PTPRD: variants seen among roughly 807,000 people sequenced by gnomAD.
PTPRD encodes protein tyrosine phosphatase receptor type D.
Under a neutral mutation model 214.5 loss-of-function variants are expected in PTPRD, and 34 were observed. The ratio of observed to expected loss-of-function variants is 0.16; its 90% CI spans 0.12 to 0.21. The LOEUF (loss-of-function observed/expected upper bound fraction) is 0.21, where lower values mean the gene tolerates loss of function less well. Among genes scored for constraint, PTPRD ranks in the 10% least tolerant of loss-of-function variants. PTPRD has a pLI of 1.00. For missense variants in PTPRD, 2,545 were observed against 2,398.7 expected, an observed-to-expected ratio of 1.06 and a Z score of -1.27; for synonymous variants, 1,128 against 845.7, an observed-to-expected ratio of 1.33 and a Z score of -5.79.
intron 7 of PTPRD, among the ~76,000 whole-genome samples, chr9:9,590,084 A>G (rs987018252): frequency 5.3e-5 from 8 of 152,066 alleles, no homozygotes; most frequent in African/African-American, 1.9e-4. Flanking sequence ...TAAAACATAT[A>G]ATGTCAATAA....
intron 9 of PTPRD, among the ~76,000 whole-genome samples, chr9:9,315,942 T>A (rs996592602): frequency 3.3e-5 from 5 of 151,140 alleles, no homozygotes; most frequent in Non-Finnish European, 7.4e-5. Flanking sequence ...ACATTTTTAA[T>A]TAATTGACAT....
Position 8,571,211 on chromosome 9 carries a change from C to T in PTPRD, c.353-42432G>A, listed in dbSNP as rs1228155877. ...AAACTTCTCTTTTAACACTTTCCTA[C>T]TAATTCTATTTCTATTGTTCACTCT... On this transcript the variant is annotated intron_variant, in intron 14 of 45. Coordinates refer to ENST00000381196, the MANE Select transcript of PTPRD (RefSeq NM_002839.4). Among the ~76,000 whole-genome samples the T allele has an allele frequency of 2.0e-5, 3 of 152,096 alleles. 1 individual carries two copies. Among genetic ancestry groups the T allele is most frequent in the East Asian group, 1.9e-4 (1 of 5,182 alleles).
intron 2 of PTPRD, among the ~76,000 whole-genome samples, chr9:10,389,959 A>C (rs900933989): frequency 6.6e-6 from 1 of 151,816 alleles, no homozygotes; most frequent in Non-Finnish European, 1.5e-5. Context: ...TAATTAAGAG[A>C]ATCTATAGCT....
intron 7 of PTPRD, among the ~76,000 whole-genome samples, chr9:9,687,217 G>A (rs959407142): frequency 2.6e-5 from 4 of 151,822 alleles, no homozygotes; most frequent in Non-Finnish European, 5.9e-5. Flanking sequence ...GAGAAGCTAT[G>A]TTTAAAACCT....
chr9:9,859,072 G>C (rs1020809340), intron 5 of PTPRD, among the ~76,000 whole-genome samples: 2 of 152,058 alleles, frequency 1.3e-5, no homozygotes, highest in Non-Finnish European at 2.9e-5. Context: ...GTGACAGTGA[G>C]TTCTCAAAAA....
chr9:9,981,920 G>C (rs2095556172), intron 4 of PTPRD, among the ~76,000 whole-genome samples: 1 of 151,938 alleles, frequency 6.6e-6, no homozygotes, highest in South Asian at 2.1e-4. Flanking sequence ...GTTGTTCAAG[G>C]TGTCTCAAAC....
intron 9 of PTPRD, among the ~76,000 whole-genome samples, chr9:9,223,905 T>C (rs2099957757): frequency 6.6e-6 from 1 of 152,046 alleles, no homozygotes; most frequent in Non-Finnish European, 1.5e-5. Context: ...CACCTGGAAT[T>C]ATGCTTGCAT....
At chr9:9,101,985 T>C (rs2099792061) in intron 10 of PTPRD, among the ~76,000 whole-genome samples, 1 of 152,176 alleles carries the variant, frequency 6.6e-6, no homozygotes, top group African/African-American at 2.4e-5. Flanking sequence ...CACACAACTT[T>C]TTTGGGGCTA....
At position 9,091,191 on chromosome 9, in the gene PTPRD, A is replaced by G. The variant is rs1468383363; in HGVS notation, c.-142-72456T>C. 4 of 1,524,890 alleles carry G rather than the reference A, an allele frequency of 2.6e-6. No homozygotes were observed. In the African/African-American group the frequency reaches 5.5e-5, roughly 21 times the overall value. The allele number at this position is 1,524,890 out of a possible 1,614,324, so 94.5% of individuals were successfully genotyped here. The stretch of plus-strand genomic sequence containing the variant: ...AAGTCCGCAAGGACCGAACACCCCC[A>G]CCCCGATTTAGACCTGCGGGTGCTG... On this transcript the variant is annotated intron_variant, in intron 10 of 45. Coordinates refer to ENST00000381196, the MANE Select transcript of PTPRD (RefSeq NM_002839.4).
At chr9:9,297,408 T>C (rs191033137) in intron 9 of PTPRD, among the ~76,000 whole-genome samples, 1 of 151,722 alleles carries the variant, frequency 6.6e-6, no homozygotes, top group East Asian at 2.0e-4. Flanking sequence ...CTCCCCATCA[T>C]CTCTGGATGA....
At chr9:8,434,578 C>T (rs10739163) in intron 35 of PTPRD, among the ~76,000 whole-genome samples, 92,703 of 152,054 alleles carry the variant, frequency 0.61, 30,412 homozygotes, top group African/African-American at 0.85. Context: ...TAACGGCTTA[C>T]TAACAGGTCG....
chr9:9,224,688 A>T (rs1395018665), intron 9 of PTPRD, among the ~76,000 whole-genome samples: 1 of 151,998 alleles, frequency 6.6e-6, no homozygotes, highest in East Asian at 1.9e-4. Context: ...TCCATTAATG[A>T]CTTTTAAATG....
At chr9:8,570,461 T>G (rs181270033) in intron 14 of PTPRD, among the ~76,000 whole-genome samples, 40 of 152,208 alleles carry the variant, frequency 2.6e-4, no homozygotes, top group African/African-American at 9.1e-4. Flanking sequence ...CAAGAGTCAA[T>G]GAGCAACAAC....
At chr9:9,268,221 T>A (rs1355291148) in intron 9 of PTPRD, among the ~76,000 whole-genome samples, 1 of 151,086 alleles carries the variant, frequency 6.6e-6, no homozygotes, top group Non-Finnish European at 1.5e-5. Flanking sequence ...ATACTAAGAA[T>A]GAACTCTTAA....
chr9:8,979,914 A>T (rs1032539164), intron 11 of PTPRD, among the ~76,000 whole-genome samples: 3 of 152,060 alleles, frequency 2.0e-5, no homozygotes, highest in Non-Finnish European at 2.9e-5. Flanking sequence ...CTGAGCTCCC[A>T]TGTTCACTGC....
At chr9:9,832,026 T>A (rs1324095469) in intron 5 of PTPRD, among the ~76,000 whole-genome samples, 1 of 152,018 alleles carries the variant, frequency 6.6e-6, no homozygotes, top group East Asian at 1.9e-4. Context: ...ATGGAAATGT[T>A]GGAGATGACA....
rs73407058 is a variant in PTPRD at position 9,561,096 on chromosome 9, C to T, written c.-237+13636G>A. Among the ~76,000 whole-genome samples the T allele has an allele frequency of 2.1e-3, 325 of 152,276 alleles. 1 individual carries two copies. Among genetic ancestry groups the T allele is most frequent in the African/African-American group, 7.1e-3 (293 of 41,554 alleles). On this transcript the variant is annotated intron_variant, in intron 8 of 45. Transcript: ENST00000381196. ...ATTAGCAGGGCAGTTATACGTTTCA[C>T]AGACAATAGTGTTGTAGAGCCAATG... is the stretch of plus-strand genomic sequence containing the variant.
At chr9:9,180,447 T>C (rs1454024224) in intron 10 of PTPRD, among the ~76,000 whole-genome samples, 5 of 79,922 alleles carry the variant, frequency 6.3e-5, no homozygotes, top group Non-Finnish European at 1.1e-4. Context: ...GGGCCTGTTG[T>C]GGGGTGGGGG....
At chr9:9,974,663 A>G (rs2095285928) in intron 4 of PTPRD, among the ~76,000 whole-genome samples, 1 of 152,088 alleles carries the variant, frequency 6.6e-6, no homozygotes, top group Non-Finnish European at 1.5e-5. Context: ...AACCTCCTTA[A>G]AACACTTCCA....
Sources: gnomAD v4.1 joint callset for allele counts (sites outside exome capture counted in the v4.1 genomes callset) on GRCh38, gnomAD v4.1.1 for gene constraint, MANE v1.5 for transcripts, NCBI Gene and HGNC (gene_info 2026-07-23, HGNC 2026-07-21) for gene names.